Variants in TCF12 observed in about 807,000 individuals in gnomAD.
The protein encoded by TCF12 is transcription factor 12.
TCF12 carries 45 observed loss-of-function variants against 86.0 expected under a neutral mutation model. The observed-to-expected ratio is 0.52, with a 90% CI of 0.41 to 0.67. The LOEUF (loss-of-function observed/expected upper bound fraction) is 0.67, where lower values mean the gene tolerates loss of function less well. TCF12 is among the 30% of genes least tolerant of loss of function. The pLI is 0.00. For missense variants in TCF12, 881 were observed against 859.9 expected (o/e 1.02, Z -0.31); for synonymous variants, 330 against 299.6 (o/e 1.10, Z -1.05).
At chr15:57,031,340 G>A (rs541017843) in intron 3 of TCF12, among the ~76,000 whole-genome samples, 3 of 150,710 alleles carry the variant, frequency 2.0e-5, no homozygotes, top group African/African-American at 7.3e-5. Context: ...TCTTCTTTGT[G>A]GCCAGGAGCT....
chr15:57,248,087 G>A, intron 13 of TCF12: 3 of 702,602 alleles, frequency 4.3e-6, no homozygotes, highest in East Asian at 2.7e-5. Context: ...CTCAAGTTCA[G>A]TATCCCATCT....
intron 5 of TCF12, among the ~76,000 whole-genome samples, chr15:57,112,196 G>A (rs2050538985): frequency 1.3e-5 from 2 of 152,152 alleles, no homozygotes; most frequent in African/African-American, 4.8e-5. Flanking sequence ...TCTAGATTTG[G>A]GTAGAAAGGC....
chr15:57,221,046 A>G (rs1285446913), intron 8 of TCF12, among the ~76,000 whole-genome samples: 3 of 152,200 alleles, frequency 2.0e-5, no homozygotes, highest in African/African-American at 4.8e-5. Flanking sequence ...GGCTACAACT[A>G]GGATACTAAG....
At chr15:56,996,564 C>G (rs919647470) in intron 3 of TCF12, among the ~76,000 whole-genome samples, 1 of 152,022 alleles carries the variant, frequency 6.6e-6, no homozygotes, top group African/African-American at 2.4e-5. Flanking sequence ...AAATACTCTT[C>G]TCAACATTAG....
In TCF12 at chr15:56,926,615, C is replaced by T. The variant is rs115376090; in HGVS notation, c.148+5517C>T. ...TGGGAATTTAGCTTGATCCAAGGGC[C>T]TGTACAGTTCAGAGAGAGAGAAGCT... On this transcript the variant is annotated intron_variant, in intron 3 of 20. Coordinates refer to ENST00000333725, the MANE Select transcript of TCF12 (RefSeq NM_207037.2). Among the ~76,000 whole-genome samples the T allele has an allele frequency of 7.3e-3, 1,105 of 152,252 alleles. 14 individuals are homozygous for T. Among genetic ancestry groups the T allele is most frequent in the African/African-American group, 0.025 (1,055 of 41,554 alleles).
At chr15:56,998,518 T>C (rs1196938456) in intron 3 of TCF12, among the ~76,000 whole-genome samples, 1 of 150,986 alleles carries the variant, frequency 6.6e-6, no homozygotes, top group East Asian at 1.9e-4. Context: ...CTAATTGACA[T>C]TTGTAGTATG....
chr15:57,126,197 C>T (rs147145939), intron 5 of TCF12, among the ~76,000 whole-genome samples: 89 of 152,192 alleles, frequency 5.8e-4, no homozygotes, highest in African/African-American at 2.0e-3. Context: ...GCTAAGATTG[C>T]GCCACTACAT....
At chr15:57,210,268 C>A (rs1424625577) in intron 8 of TCF12, among the ~76,000 whole-genome samples, 1 of 151,396 alleles carries the variant, frequency 6.6e-6, no homozygotes, top group African/African-American at 2.4e-5. Flanking sequence ...CATAGCTCTT[C>A]TTTCTAGACC....
At chr15:57,269,983 C>T (rs1170089090) in intron 18 of TCF12, among the ~76,000 whole-genome samples, 1 of 152,140 alleles carries the variant, frequency 6.6e-6, no homozygotes, top group Non-Finnish European at 1.5e-5. Flanking sequence ...TCTGGCAGCC[C>T]TTAACATTTT....
chr15:57,262,650 A>G (rs1458891240), intron 17 of TCF12, among the ~76,000 whole-genome samples: 2 of 152,198 alleles, frequency 1.3e-5, no homozygotes, highest in African/African-American at 2.4e-5. Flanking sequence ...CACTGTTCCA[A>G]TAGAGCTTAC....
intron 3 of TCF12, among the ~76,000 whole-genome samples, chr15:56,931,849 C>A (rs2060261261): frequency 6.6e-6 from 1 of 152,112 alleles, no homozygotes; most frequent in Non-Finnish European, 1.5e-5. Context: ...ACCAGTAAGC[C>A]ATTGACTTTT....
intron 4 of TCF12, among the ~76,000 whole-genome samples, chr15:57,085,561 T>C (rs1399226369): frequency 6.6e-6 from 1 of 152,200 alleles, no homozygotes; most frequent in Non-Finnish European, 1.5e-5. Flanking sequence ...TCAACCCACT[T>C]GACTTTTTCA....
At chr15:57,206,766 A>G (rs754415037) in intron 8 of TCF12, among the ~76,000 whole-genome samples, 71 of 151,000 alleles carry the variant, frequency 4.7e-4, no homozygotes, top group Admixed American at 1.3e-4. Context: ...TTAAACTTAG[A>G]TATATTTGTG....
At chr15:57,158,303 CT>C (rs1450273651) in intron 5 of TCF12, among the ~76,000 whole-genome samples, 6 of 152,014 alleles carry the variant, frequency 3.9e-5, no homozygotes, top group African/African-American at 1.2e-4. Context: ...CTCAGCCCCC[CT>C]GGTAGCTGGG....
In TCF12 at chr15:57,286,351, A is replaced by G. The variant is rs143972683; in HGVS notation, c.*206A>G. On this transcript the variant is annotated 3_prime_UTR_variant, in exon 21 of 21. Transcript: ENST00000333725. ...CATCAGAAGTGAAGATAGGAAGCTC[A>G]TCAGATAGAACATCAGCCCATGAGA... The G allele has an allele frequency of 1.5e-3, 317 of 217,472 alleles. No individual in the cohort carries two copies. The highest frequency in any genetic ancestry group is 6.9e-3 in the African/African-American group (297 of 43,232). The allele number at this position is 217,472 out of a possible 1,614,324, so 13.5% of individuals were successfully genotyped here. A position where few individuals can be genotyped will look rare whatever the true frequency, so the allele number is the denominator to read the frequency against.
intron 3 of TCF12, among the ~76,000 whole-genome samples, chr15:56,933,023 CTT>C (rs1349731845): frequency 1.3e-5 from 2 of 152,018 alleles, no homozygotes; most frequent in African/African-American, 2.4e-5. Context: ...TGTCTTTAGA[CTT>C]TGTGAGTTGG....
chr15:57,230,062 C>G (rs2059063017), intron 8 of TCF12, among the ~76,000 whole-genome samples: 1 of 151,736 alleles, frequency 6.6e-6, no homozygotes, highest in Non-Finnish European at 1.5e-5. Flanking sequence ...GTCTTCCTTC[C>G]CAATTCGAAG....
At chr15:56,990,799 C>CT (rs59425097) in intron 3 of TCF12, among the ~76,000 whole-genome samples, 113,070 of 148,330 alleles carry the variant, frequency 0.76, 42,928 homozygotes, top group South Asian at 0.79. Flanking sequence ...TTTTCTTTTT[C>CT]TTTTTTTTTT....
intron 5 of TCF12, among the ~76,000 whole-genome samples, chr15:57,107,745 T>C (rs1164134266): frequency 6.6e-6 from 1 of 151,724 alleles, no homozygotes; most frequent in Non-Finnish European, 1.5e-5. Context: ...ATAATAATAA[T>C]AAAATTTTAA....
Sources: gnomAD v4.1 joint callset for allele counts (sites outside exome capture counted in the v4.1 genomes callset) on GRCh38, gnomAD v4.1.1 for gene constraint, MANE v1.5 for transcripts, NCBI Gene and HGNC (gene_info 2026-07-23, HGNC 2026-07-21) for gene names.